Variants in PLA2G6 observed in about 807,000 individuals in gnomAD.
The protein encoded by PLA2G6 is 85/88 kDa calcium-independent phospholipase A2.
A neutral mutation model predicts 83.8 loss-of-function variants in PLA2G6; 62 were observed. The observed-to-expected ratio is 0.74, with a 90% CI of 0.60 to 0.91. The LOEUF (loss-of-function observed/expected upper bound fraction) is 0.91. PLA2G6 is among the 40% of genes least tolerant of loss of function. The probability of loss-of-function intolerance (pLI) is 0.00; values close to 1 mark genes in which losing one functional copy is unlikely to be tolerated. For missense variants in PLA2G6, 944 were observed against 1,102.0 expected, an observed-to-expected ratio of 0.86 and a Z score of 2.03; for synonymous variants, 417 against 449.8, an observed-to-expected ratio of 0.93 and a Z score of 0.92.
In PLA2G6 at chr22:38,111,780, C is replaced by T; in HGVS notation, c.*381G>A. 2.8e-6 allele frequency: 1 copy of T among 351,924 alleles called. No homozygotes were observed. Among genetic ancestry groups the T allele is most frequent in the South Asian group, 2.3e-5 (1 of 43,616 alleles). The allele number at this position is 351,924 out of a possible 1,614,324, so 21.8% of individuals were successfully genotyped here. A position where few individuals can be genotyped will look rare whatever the true frequency, so the allele number is the denominator to read the frequency against. On this transcript the variant is annotated 3_prime_UTR_variant, in exon 17 of 17. Transcript: ENST00000332509. ...GCACCCACCAGGAAGCCTGGGAGTG[C>T]CCTTGCTGGGGGCTGGGGCAGAGGC...
intron 3 of PLA2G6, 21 bp from the exon 4 acceptor site, chr22:38,143,309 G>A (rs2089034299): frequency 6.2e-7 from 1 of 1,605,600 alleles, no homozygotes. Flanking sequence ...GGGCCAGGGT[G>A]AGCAGAGGTG....
At chr22:38,126,174 C>G (rs1408886425) in intron 10 of PLA2G6, 197 bp downstream of exon 10, 1 of 655,216 alleles carries the variant, frequency 1.5e-6, no homozygotes, top group Non-Finnish European at 2.8e-6. Flanking sequence ...CCAGAGCCTG[C>G]ACCGCCCAGC....
Position 38,133,489 on chromosome 22 carries a change from C to T in PLA2G6, c.895-476G>A, listed in dbSNP as rs75808490. The T allele has an allele frequency of 8.7e-4, 165 of 189,662 alleles. 2 individuals carry two copies. Among genetic ancestry groups the T allele is most frequent in the Middle Eastern group, 2.5e-3 (1 of 404 alleles). The allele number at this position is 189,662 out of a possible 1,614,324, so 11.7% of individuals were successfully genotyped here. A position where few individuals can be genotyped will look rare whatever the true frequency, so the allele number is the denominator to read the frequency against. On this transcript the variant is annotated intron_variant, in intron 6 of 16. Coordinates refer to ENST00000332509, the MANE Select transcript of PLA2G6 (RefSeq NM_003560.4). Reference sequence around the variant, plus strand: ...CAGCTTCACTCATCCCAGCTGCCTGCGCTTGGATGGGTCACTGTAGCCATG... The same window carrying T: ...CAGCTTCACTCATCCCAGCTGCCTGTGCTTGGATGGGTCACTGTAGCCATG...
intron 2 of PLA2G6, among the ~76,000 whole-genome samples, chr22:38,154,670 CA>C (rs2089706147): frequency 6.6e-6 from 1 of 152,206 alleles, no homozygotes; most frequent in South Asian, 2.1e-4. Flanking sequence ...GCCCAGACTG[CA>C]AAGACTACAA....
chr22:38,119,532 C>T (rs1043412901), intron 12 of PLA2G6, among the ~76,000 whole-genome samples: 6 of 152,058 alleles, frequency 3.9e-5, no homozygotes, highest in Non-Finnish European at 7.4e-5. Flanking sequence ...GGTTTATGAA[C>T]GAGAAATAAA....
At chr22:38,150,992 G>A (rs1283015407) in intron 2 of PLA2G6, among the ~76,000 whole-genome samples, 1 of 152,120 alleles carries the variant, frequency 6.6e-6, no homozygotes, top group African/African-American at 2.4e-5. Context: ...GAGGTTGAGG[G>A]AGGAGAATCG....
intron 1 of PLA2G6, among the ~76,000 whole-genome samples, chr22:38,178,389 A>C (rs1271082405): frequency 2.0e-5 from 3 of 152,120 alleles, no homozygotes; most frequent in Non-Finnish European, 4.4e-5. Flanking sequence ...TGGGTAATAT[A>C]GTGAGACCTC....
At chr22:38,138,144 G>A (rs16998759) in intron 5 of PLA2G6, 3,166 of 152,666 alleles carry the variant, frequency 0.021, 105 homozygotes, top group African/African-American at 0.073. Flanking sequence ...TACAGCTCCT[G>A]CCCAGTACAG....
At chr22:38,167,084 C>T (rs1442185495) in intron 2 of PLA2G6, among the ~76,000 whole-genome samples, 1 of 151,866 alleles carries the variant, frequency 6.6e-6, no homozygotes, top group East Asian at 1.9e-4. Context: ...AAATATTAGC[C>T]AGGCGTGGTG....
intron 3 of PLA2G6, chr22:38,143,578 C>T (rs2145820886): frequency 1.9e-6 from 1 of 524,446 alleles, no homozygotes; most frequent in Non-Finnish European, 3.5e-6. Context: ...TCACAGAACA[C>T]GGATATCTCA....
intron 1 of PLA2G6, among the ~76,000 whole-genome samples, chr22:38,173,459 G>T (rs2090512913): frequency 6.6e-6 from 1 of 151,960 alleles, no homozygotes; most frequent in Non-Finnish European, 1.5e-5. Flanking sequence ...GGTGGTGGGG[G>T]TTGACAGTGA....
chr22:38,126,302 A>T, intron 10 of PLA2G6, 69 bp downstream of exon 10: 1 of 1,204,118 alleles, frequency 8.3e-7, no homozygotes. Context: ...TGAGCCCACA[A>T]CAGGGGGTGG....
intron 1 of PLA2G6, among the ~76,000 whole-genome samples, chr22:38,177,707 G>A (rs780526896): frequency 1.3e-5 from 2 of 151,922 alleles, no homozygotes; most frequent in Admixed American, 1.3e-4. Flanking sequence ...CCGGTGATCC[G>A]CCCACCTCCA....
Position 38,128,063 on chromosome 22 carries a change from G to A in PLA2G6, c.1348+206C>T, listed in dbSNP as rs973340534. 1.4e-4 allele frequency: 83 copies of A among 598,868 alleles called. No individual in the cohort carries two copies. Among genetic ancestry groups the A allele is most frequent in the Non-Finnish European group, 2.3e-4 (76 of 335,970 alleles). The allele number at this position is 598,868 out of a possible 1,614,324, so 37.1% of individuals were successfully genotyped here. Reference sequence around the variant, plus strand: ...CAGGACACATCCTCTCAGGGGCAACGGAGCATGGGACATCAGCCAGGGACA... The same window carrying A: ...CAGGACACATCCTCTCAGGGGCAACAGAGCATGGGACATCAGCCAGGGACA... On this transcript the variant is annotated intron_variant, in intron 9 of 16. Transcript: ENST00000332509. This position sits in a 1 kb window ranked among gnomAD's most constrained non-coding sequence, Gnocchi z 4.4.
chr22:38,115,433 TGC>T, intron 14 of PLA2G6, 92 bp downstream of exon 14: 1 of 1,177,290 alleles, frequency 8.5e-7, no homozygotes, highest in Non-Finnish European at 1.3e-6. Context: ...AAAAGCCACC[TGC>T]TGTCCTGGGG....
intron 1 of PLA2G6, among the ~76,000 whole-genome samples, chr22:38,170,022 A>C (rs993319933): frequency 1.3e-5 from 2 of 151,978 alleles, no homozygotes; most frequent in African/African-American, 4.8e-5. Context: ...ACATGGCGAA[A>C]CCCTGCCTCT....
intron 6 of PLA2G6, chr22:38,134,734 T>G (rs1445470563): frequency 1.5e-5 from 8 of 536,268 alleles, no homozygotes; most frequent in Non-Finnish European, 2.0e-5. Context: ...CCTTGCTGAC[T>G]TCATCACATC....
At chr22:38,142,230 C>T (rs2088960380) in intron 4 of PLA2G6, 1 of 142,298 alleles carries the variant, frequency 7.0e-6, no homozygotes, top group African/African-American at 2.6e-5. Context: ...AAGGAATCCA[C>T]ATTTTCTGGT....
chr22:38,126,875 G>T, intron 9 of PLA2G6: 1 of 420,258 alleles, frequency 2.4e-6, no homozygotes, highest in Non-Finnish European at 3.8e-6. Context: ...GCTCTAAGAG[G>T]GTCCATAATT....
Sources: gnomAD v4.1 joint callset for allele counts (sites outside exome capture counted in the v4.1 genomes callset) on GRCh38, gnomAD v4.1.1 for gene constraint, Gnocchi (gnomAD v3.1) non-coding constraint, MANE v1.5 for transcripts, NCBI Gene and HGNC (gene_info 2026-07-23, HGNC 2026-07-21) for gene names.